CCDC7: variants seen among roughly 807,000 people sequenced by gnomAD.
The protein encoded by CCDC7 is coiled-coil domain-containing protein 7.
In CCDC7, 183 loss-of-function variants were observed where a neutral mutation model predicts 196.9. The observed-to-expected ratio is 0.93, with a 90% CI of 0.82 to 1.05. The LOEUF is 1.05. Ranked by LOEUF, CCDC7 falls within the 50% of genes least tolerant of loss-of-function variation. The probability of loss-of-function intolerance (pLI) is 0.00; values close to 1 mark genes in which losing one functional copy is unlikely to be tolerated. For missense variants in CCDC7, 1,540 were observed against 1,482.2 expected (o/e 1.04, Z -0.64); for synonymous variants, 525 against 484.6 (o/e 1.08, Z -1.10).
intron 18 of CCDC7, among the ~76,000 whole-genome samples, chr10:32,586,643 A>G (rs920637189): frequency 1.3e-5 from 2 of 152,080 alleles, no homozygotes; most frequent in African/African-American, 4.8e-5. Flanking sequence ...TCCTTTCCCT[A>G]TTGCTTGTTT....
At chr10:32,837,508 A>T (rs376960791) in intron 33 of CCDC7, among the ~76,000 whole-genome samples, 9 of 152,178 alleles carry the variant, frequency 5.9e-5, no homozygotes, top group Non-Finnish European at 1.3e-4. Flanking sequence ...ATTGTGGAAG[A>T]CAGTGTGGTG....
chr10:32,579,985 C>A (rs1297017955), intron 16 of CCDC7, among the ~76,000 whole-genome samples: 1 of 151,840 alleles, frequency 6.6e-6, no homozygotes, highest in East Asian at 1.9e-4. Flanking sequence ...AACTTACAAG[C>A]AGAATAGCGA....
Position 32,635,050 on chromosome 10 carries a change from T to C in CCDC7, c.1913-7T>C. 2.5e-6 allele frequency: 1 copy of C among 398,762 alleles called. No individual in the cohort carries two copies. The allele number at this position is 398,762 out of a possible 1,614,324, so 24.7% of individuals were successfully genotyped here. A position where few individuals can be genotyped will look rare whatever the true frequency, so the allele number is the denominator to read the frequency against. On this transcript the variant is annotated splice_region_variant and splice_polypyrimidine_tract_variant and intron_variant, in intron 19 of 41. Transcript: ENST00000639629. ...AAGTTTTATCATAGATCTGTTTTTC[T>C]GTTCAGAGACTCTTACAACCCCACA...
At chr10:32,854,328 A>G (rs1176961561) in intron 40 of CCDC7, 72 bp from the exon 42 acceptor site, 2 of 916,528 alleles carry the variant, frequency 2.2e-6, no homozygotes, top group Non-Finnish European at 3.3e-6. Context: ...ACTAAGATTT[A>G]TTTTAACATT....
At chr10:32,535,702 C>T (rs532087516) in intron 11 of CCDC7, among the ~76,000 whole-genome samples, 1 of 152,222 alleles carries the variant, frequency 6.6e-6, no homozygotes, top group South Asian at 2.1e-4. Context: ...GCAAATGTTT[C>T]CTGTTTAGAC....
chr10:32,540,060 TGTTTA>T (rs964974659), intron 11 of CCDC7, among the ~76,000 whole-genome samples: 1 of 128,072 alleles, frequency 7.8e-6, no homozygotes, highest in African/African-American at 2.7e-5. Flanking sequence ...TGAATATCTT[TGTTTA>T]TTTTCTGCCT....
chr10:32,545,723 C>T (rs1831773), intron 13 of CCDC7, among the ~76,000 whole-genome samples: 20,375 of 151,716 alleles, frequency 0.13, 1,605 homozygotes, highest in African/African-American at 0.23. Flanking sequence ...CTGGCCAACA[C>T]GGCAAAACCC....
upstream of CCDC7, among the ~76,000 whole-genome samples, chr10:32,448,132 C>T (rs373327624): frequency 2.6e-5 from 4 of 151,852 alleles, no homozygotes; most frequent in Admixed American, 1.3e-4. Flanking sequence ...AGTGTTTCAT[C>T]GAAACAAAAA....
At chr10:32,550,594 G>A (rs972354299) in intron 13 of CCDC7, among the ~76,000 whole-genome samples, 1 of 151,864 alleles carries the variant, frequency 6.6e-6, no homozygotes, top group Non-Finnish European at 1.5e-5. Flanking sequence ...ATGCCGTTTT[G>A]CTGAGAGTTT....
chr10:32,862,763 A>G (rs749928679), intron 41 of CCDC7, among the ~76,000 whole-genome samples: 2 of 152,100 alleles, frequency 1.3e-5, no homozygotes, highest in Non-Finnish European at 2.9e-5. Flanking sequence ...AGACAACATG[A>G]TCTTATATAT....
chr10:32,482,754 T>C (rs1157612033), intron 8 of CCDC7, among the ~76,000 whole-genome samples: 1 of 151,966 alleles, frequency 6.6e-6, no homozygotes, highest in Non-Finnish European at 1.5e-5. Flanking sequence ...CGGTGTTTGG[T>C]TTTTTGTCCT....
intron 18 of CCDC7, among the ~76,000 whole-genome samples, chr10:32,619,242 C>T (rs144087358): frequency 7.7e-4 from 117 of 151,932 alleles, no homozygotes; most frequent in African/African-American, 2.7e-3. Flanking sequence ...AACTTTTGAG[C>T]AATATAAGAG....
chr10:32,862,846 A>T (rs2094057677), intron 41 of CCDC7, among the ~76,000 whole-genome samples: 1 of 152,094 alleles, frequency 6.6e-6, no homozygotes, highest in African/African-American at 2.4e-5. Flanking sequence ...AAAATCAGAT[A>T]CATTTCTATA....
intron 29 of CCDC7, among the ~76,000 whole-genome samples, chr10:32,798,640 G>C (rs2084124378): frequency 6.6e-6 from 1 of 152,158 alleles, no homozygotes; most frequent in African/African-American, 2.4e-5. Flanking sequence ...CCAAGACCCT[G>C]ACCATCCAGG....
At chr10:32,836,101 C>T (rs2092582184) in intron 33 of CCDC7, among the ~76,000 whole-genome samples, 1 of 152,058 alleles carries the variant, frequency 6.6e-6, no homozygotes, top group South Asian at 2.1e-4. Context: ...TCTGGAATAA[C>T]AGTGTTAGGC....
intron 8 of CCDC7, among the ~76,000 whole-genome samples, chr10:32,488,444 A>G (rs1048064249): frequency 7.2e-5 from 11 of 152,150 alleles, no homozygotes; most frequent in African/African-American, 2.2e-4. Flanking sequence ...AGGTGAGGCA[A>G]TGCCTTGCTG....
chr10:32,703,419 G>C (rs937300448), intron 24 of CCDC7, among the ~76,000 whole-genome samples: 1 of 151,940 alleles, frequency 6.6e-6, no homozygotes, highest in African/African-American at 2.4e-5. Context: ...TGTGGGTAAC[G>C]CGACATTTCT....
intron 9 of CCDC7, among the ~76,000 whole-genome samples, chr10:32,510,447 A>G (rs1393308583): frequency 1.3e-5 from 2 of 152,202 alleles, no homozygotes; most frequent in African/African-American, 4.8e-5. Context: ...TCTTAATAGC[A>G]ACAGCAGCAG....
chr10:32,519,922 T>A (rs1167061349), intron 11 of CCDC7, among the ~76,000 whole-genome samples: 5 of 152,084 alleles, frequency 3.3e-5, no homozygotes, highest in Non-Finnish European at 4.4e-5. Flanking sequence ...TCTCCATGAG[T>A]TCAATTGTTT....
Sources: allele counts gnomAD v4.1 joint callset (sites outside exome capture counted in the v4.1 genomes callset), GRCh38; gene constraint gnomAD v4.1.1; transcripts MANE v1.5; gene names NCBI Gene and HGNC (gene_info 2026-07-23, HGNC 2026-07-21).